Variants in PDHX observed in about 807,000 individuals in gnomAD.
PDHX encodes the protein pyruvate dehydrogenase protein X component, mitochondrial.
A neutral mutation model predicts 55.3 loss-of-function variants in PDHX; 33 were observed. The observed-to-expected ratio is 0.60, with a 90% CI of 0.45 to 0.80. PDHX has a LOEUF of 0.80. Ranked by LOEUF, PDHX falls within the 30% of genes least tolerant of loss-of-function variation. The pLI, the probability that PDHX is intolerant of heterozygous loss-of-function variation, is 0.00. For missense variants in PDHX, 622 were observed against 619.9 expected (o/e 1.00, Z -0.04); for synonymous variants, 226 against 219.4 (o/e 1.03, Z -0.27).
At chr11:34,960,385 A>G (rs1304359356) in intron 4 of PDHX, 35 bp from the exon 5 acceptor site, 2 of 1,295,056 alleles carry the variant, frequency 1.5e-6, no homozygotes, top group African/African-American at 2.9e-5. Context: ...TGTAAGTGTT[A>G]ATTGGTTCTA....
chr11:34,947,487 AC>A lies in PDHX; in HGVS notation c.242-16del. The A allele has an allele frequency of 6.4e-7, 1 of 1,554,542 alleles. No homozygotes were observed. The highest frequency in any genetic ancestry group is 1.7e-4 in the Middle Eastern group (1 of 5,926). Reference sequence around the variant, plus strand: ...ATTTATATTTTAAAAAACAAAACAAACCCAGTCTTGTTTTGTAGGTGAAGCG... The same window carrying A: ...ATTTATATTTTAAAAAACAAAACAAACCAGTCTTGTTTTGTAGGTGAAGCG... On this transcript the variant is annotated intron_variant, in intron 2 of 10. Coordinates refer to ENST00000227868, the MANE Select transcript of PDHX (RefSeq NM_003477.3).
chr11:34,942,108 G>C (rs1443183377), intron 2 of PDHX, among the ~76,000 whole-genome samples: 1 of 152,156 alleles, frequency 6.6e-6, no homozygotes, highest in Non-Finnish European at 1.5e-5. Flanking sequence ...AACTCTTTGT[G>C]GACAGAACCT....
chr11:34,973,470 C>T (rs1001379976), intron 7 of PDHX, among the ~76,000 whole-genome samples: 1 of 152,064 alleles, frequency 6.6e-6, no homozygotes, highest in African/African-American at 2.4e-5. Context: ...CTTTGTCCCA[C>T]CTCTTTTATT....
chr11:34,965,904 A>G (rs1855120301), intron 5 of PDHX, among the ~76,000 whole-genome samples: 1 of 152,216 alleles, frequency 6.6e-6, no homozygotes, highest in Non-Finnish European at 1.5e-5. Context: ...AAATGTTCCA[A>G]AAATTATTTT....
At chr11:34,930,868 T>C (rs1296628304) in intron 1 of PDHX, among the ~76,000 whole-genome samples, 1 of 152,230 alleles carries the variant, frequency 6.6e-6, no homozygotes, top group African/African-American at 2.4e-5. Flanking sequence ...TTCATACTTA[T>C]TAGTAGGAAC....
chr11:34,968,937 T>C (rs912397291), intron 6 of PDHX, among the ~76,000 whole-genome samples: 3 of 152,204 alleles, frequency 2.0e-5, no homozygotes, highest in Admixed American at 2.0e-4. Context: ...GAAAAGATGG[T>C]TCGACTTATA....
At chr11:34,949,114 A>G (rs1854691599) in intron 3 of PDHX, among the ~76,000 whole-genome samples, 1 of 152,186 alleles carries the variant, frequency 6.6e-6, no homozygotes, top group South Asian at 2.1e-4. Context: ...AAAAGACTGT[A>G]TATTTTAGGC....
rs887297458 is a variant in PDHX, at chr11:34,953,218, C to A, written c.343-4166C>A. Among the ~76,000 whole-genome samples, 2 of 152,168 alleles carry A rather than the reference C, an allele frequency of 1.3e-5. 1 individual carries two copies. Among genetic ancestry groups the A allele is most frequent in the South Asian group, 4.1e-4 (2 of 4,830 alleles). Reference sequence around the variant, plus strand: ...GATACAAACAAATGGAAAAATATTCCATGCTCGTGGGTAGGAAGAATCAAT... The same window carrying A: ...GATACAAACAAATGGAAAAATATTCAATGCTCGTGGGTAGGAAGAATCAAT... On this transcript the variant is annotated intron_variant, in intron 3 of 10. Coordinates refer to ENST00000227868, the MANE Select transcript of PDHX (RefSeq NM_003477.3).
intron 8 of PDHX, among the ~76,000 whole-genome samples, chr11:34,980,352 C>CTTTGTTTTTTTTTTTTTTTTTTT (rs1855481777): frequency 4.0e-5 from 3 of 74,820 alleles, no homozygotes; most frequent in Non-Finnish European, 7.8e-5. Flanking sequence ...AAGATAGTTT[C>CTTTGTTTTTTTTTTTTTTTTTTT]TTTTTTTTTT....
At chr11:34,963,601 G>A (rs1273427791) in intron 5 of PDHX, among the ~76,000 whole-genome samples, 1 of 152,156 alleles carries the variant, frequency 6.6e-6, no homozygotes, top group Non-Finnish European at 1.5e-5. Flanking sequence ...TTGACACGGT[G>A]AGGACATGCT....
At chr11:34,948,835 AC>A (rs1854686095) in intron 3 of PDHX, among the ~76,000 whole-genome samples, 2 of 152,224 alleles carry the variant, frequency 1.3e-5, no homozygotes, top group African/African-American at 4.8e-5. Context: ...TGCTTGAATT[AC>A]CATGTAATAA....
upstream of PDHX, chr11:34,916,522 G>C (rs1266623561): frequency 7.6e-6 from 11 of 1,448,444 alleles, no homozygotes; most frequent in East Asian, 1.0e-4. Flanking sequence ...GGCTGGGTTG[G>C]GGGGCGGGGG....
At chr11:34,983,010 T>C (rs1457218982) in intron 8 of PDHX, among the ~76,000 whole-genome samples, 2 of 152,216 alleles carry the variant, frequency 1.3e-5, no homozygotes, top group East Asian at 3.8e-4. Flanking sequence ...TGAACATCGA[T>C]GCAAACATCC....
chr11:34,962,311 T>TAGC (rs1203499095), intron 5 of PDHX, among the ~76,000 whole-genome samples: 1 of 152,202 alleles, frequency 6.6e-6, no homozygotes, highest in Non-Finnish European at 1.5e-5. Flanking sequence ...AGATCCCTGA[T>TAGC]ACAGACAACA....
At chr11:34,931,134 G>A (rs1053052361) in intron 1 of PDHX, among the ~76,000 whole-genome samples, 3 of 152,048 alleles carry the variant, frequency 2.0e-5, no homozygotes, top group East Asian at 1.9e-4. Flanking sequence ...TGACTTATAA[G>A]CACCTGGCTT....
intron 5 of PDHX, 35 bp from the exon 6 acceptor site, chr11:34,966,605 C>T (rs775846259): frequency 1.9e-6 from 3 of 1,601,526 alleles, no homozygotes; most frequent in Non-Finnish European, 2.6e-6. Context: ...TTCCTTATTG[C>T]TAATTATGGT....
intron 9 of PDHX, among the ~76,000 whole-genome samples, chr11:34,986,337 G>A (rs1232134221): frequency 6.6e-6 from 1 of 151,078 alleles, no homozygotes; most frequent in African/African-American, 2.4e-5. Context: ...GAAAGGTAGC[G>A]TTTATTTGGT....
chr11:34,979,497 A>T (rs1332901211), intron 8 of PDHX, among the ~76,000 whole-genome samples: 3 of 152,158 alleles, frequency 2.0e-5, no homozygotes, highest in African/African-American at 4.8e-5. Flanking sequence ...ATTTATAATT[A>T]ACTTTTTATT....
intron 9 of PDHX, among the ~76,000 whole-genome samples, chr11:34,986,609 G>C (rs948542085): frequency 6.6e-6 from 1 of 152,116 alleles, no homozygotes; most frequent in African/African-American, 2.4e-5. Flanking sequence ...CCTTGATTCT[G>C]AGCAATTTAC....
Sources: allele counts gnomAD v4.1 joint callset (sites outside exome capture counted in the v4.1 genomes callset), GRCh38; gene constraint gnomAD v4.1.1; transcripts MANE v1.5; gene names NCBI Gene and HGNC (gene_info 2026-07-23, HGNC 2026-07-21).